CDH12: variants seen among roughly 807,000 people sequenced by gnomAD.
CDH12 encodes the protein cadherin 12, also known as cadherin-12.
In CDH12, 41 loss-of-function variants were observed where a neutral mutation model predicts 74.1. The observed-to-expected ratio is 0.55, with a 90% CI of 0.43 to 0.72. The LOEUF (loss-of-function observed/expected upper bound fraction) is 0.72, where lower values mean the gene tolerates loss of function less well. Ranked by LOEUF, CDH12 falls within the 30% of genes least tolerant of loss-of-function variation. The pLI is 0.00. For missense variants in CDH12, 945 were observed against 977.2 expected (o/e 0.97, Z 0.44); for synonymous variants, 399 against 355.0 (o/e 1.12, Z -1.39).
chr5:22,025,351 T>C (rs2150166157), intron 5 of CDH12, among the ~76,000 whole-genome samples: 1 of 152,276 alleles, frequency 6.6e-6, no homozygotes, highest in Non-Finnish European at 1.5e-5. Context: ...AAATCATAAT[T>C]GTTTGGTTTC....
chr5:22,450,247 C>T (rs1449412764), intron 2 of CDH12, among the ~76,000 whole-genome samples: 1 of 151,898 alleles, frequency 6.6e-6, no homozygotes, highest in Non-Finnish European at 1.5e-5. Context: ...TTAGTGGCTA[C>T]ATGATATGTA....
In CDH12 at chr5:22,562,226, A is replaced by C. The variant is rs548094321; in HGVS notation, c.-522-56862T>G. ...CAGCTACTTGGGAGGCTGAGGCAGG[A>C]GAATGGCGTGAACCCGGGAGGTGGA... On this transcript the variant is annotated intron_variant, in intron 1 of 14. Coordinates refer to ENST00000382254, the MANE Select transcript of CDH12 (RefSeq NM_004061.5). 6.1e-4 allele frequency among the ~76,000 whole-genome samples: 93 copies of C among 152,078 alleles called. No individual in the cohort carries two copies. The South Asian group carries it at 0.018, about 30-fold the overall frequency.
intron 2 of CDH12, among the ~76,000 whole-genome samples, chr5:22,441,195 C>T (rs553190960): frequency 2.0e-4 from 30 of 152,260 alleles, no homozygotes; most frequent in African/African-American, 7.2e-4. Context: ...TATTTGTGAA[C>T]ATCTGTGAAT....
chr5:21,757,231 A>G (rs537462786), intron 13 of CDH12, among the ~76,000 whole-genome samples: 90 of 152,282 alleles, frequency 5.9e-4, no homozygotes, highest in African/African-American at 2.1e-3. Flanking sequence ...GCTGGAGTAC[A>G]GTGGATCAAT....
chr5:21,770,762 T>C (rs971578945), intron 11 of CDH12, among the ~76,000 whole-genome samples: 1 of 152,158 alleles, frequency 6.6e-6, no homozygotes, highest in Non-Finnish European at 1.5e-5. Flanking sequence ...CATGCACATG[T>C]ATGTTCATTG....
chr5:21,778,124 A>T (rs1017710350), intron 11 of CDH12, among the ~76,000 whole-genome samples: 4 of 152,136 alleles, frequency 2.6e-5, no homozygotes, highest in Non-Finnish European at 5.9e-5. Flanking sequence ...TAAATGAAAC[A>T]TGGTGAATAT....
chr5:21,976,077 C>A (rs189894780), intron 5 of CDH12, among the ~76,000 whole-genome samples: 10 of 152,202 alleles, frequency 6.6e-5, no homozygotes, highest in African/African-American at 2.4e-4. Flanking sequence ...TGATATAGGG[C>A]AGAGCATCTC....
At chr5:22,501,639 T>A (rs1736151939) in intron 2 of CDH12, among the ~76,000 whole-genome samples, 2 of 152,094 alleles carry the variant, frequency 1.3e-5, no homozygotes, top group South Asian at 4.1e-4. Flanking sequence ...ATCCCTGCAT[T>A]TATCTTCTTC....
chr5:22,773,543 A>T (rs971611268), intron 1 of CDH12, among the ~76,000 whole-genome samples: 6 of 152,118 alleles, frequency 3.9e-5, no homozygotes, highest in Non-Finnish European at 8.8e-5. Context: ...AACTTTAAAA[A>T]CCCTTGAAGA....
At chr5:22,708,434 A>T (rs1490675389) in intron 1 of CDH12, among the ~76,000 whole-genome samples, 1 of 152,196 alleles carries the variant, frequency 6.6e-6, no homozygotes, top group Admixed American at 6.6e-5. Flanking sequence ...AAAGAAAGGG[A>T]GGTCAGAGAG....
intron 11 of CDH12, among the ~76,000 whole-genome samples, chr5:21,776,700 G>C (rs1428260485): frequency 6.6e-6 from 1 of 152,104 alleles, no homozygotes; most frequent in Non-Finnish European, 1.5e-5. Context: ...TATGCTGCCT[G>C]CATCATTGAA....
intron 1 of CDH12, among the ~76,000 whole-genome samples, chr5:22,660,495 T>A (rs1271366222): frequency 1.3e-5 from 2 of 152,208 alleles, no homozygotes; most frequent in Non-Finnish European, 2.9e-5. Context: ...TTCACCAAGT[T>A]TGTCCTCCTG....
intron 4 of CDH12, among the ~76,000 whole-genome samples, chr5:22,100,204 ATACT>A (rs1417800199): frequency 2.8e-4 from 43 of 152,218 alleles, no homozygotes; most frequent in African/African-American, 8.0e-4. Flanking sequence ...AGATAAAAAA[ATACT>A]TACTTATTAA....
intron 1 of CDH12, among the ~76,000 whole-genome samples, chr5:22,825,482 T>C (rs971111291): frequency 6.6e-6 from 1 of 152,112 alleles, no homozygotes; most frequent in Non-Finnish European, 1.5e-5. Context: ...AAATATGTTC[T>C]TGGAAGAGTA....
At chr5:22,464,004 C>A (rs1384920174) in intron 2 of CDH12, among the ~76,000 whole-genome samples, 1 of 152,170 alleles carries the variant, frequency 6.6e-6, no homozygotes, top group African/African-American at 2.4e-5. Context: ...TGAATTGTAA[C>A]TCCCAGAGTT....
chr5:22,291,271 C>A (rs1340993697), intron 3 of CDH12, among the ~76,000 whole-genome samples: 2 of 151,976 alleles, frequency 1.3e-5, no homozygotes, highest in Non-Finnish European at 2.9e-5. Flanking sequence ...CATACTCAAC[C>A]TAAAAGTGTC....
At chr5:22,806,054 A>T (rs561120425) in intron 1 of CDH12, among the ~76,000 whole-genome samples, 1 of 152,228 alleles carries the variant, frequency 6.6e-6, no homozygotes, top group African/African-American at 2.4e-5. Context: ...TATCCAGTCT[A>T]CCATTGATGA....
At chr5:22,576,772 A>AATCTCTCTCTC (rs1739810261) in intron 1 of CDH12, among the ~76,000 whole-genome samples, 1 of 151,026 alleles carries the variant, frequency 6.6e-6, no homozygotes. Context: ...TTGATAACTG[A>AATCTCTCTCTC]GAGAGAGAGA....
intron 5 of CDH12, among the ~76,000 whole-genome samples, chr5:22,000,995 T>C (rs1736572377): frequency 6.6e-6 from 1 of 152,114 alleles, no homozygotes; most frequent in African/African-American, 2.4e-5. Flanking sequence ...TTTTATAAAT[T>C]AGAAAATAAA....
Sources: allele counts gnomAD v4.1 joint callset (sites outside exome capture counted in the v4.1 genomes callset), GRCh38; gene constraint gnomAD v4.1.1; transcripts MANE v1.5; gene names NCBI Gene and HGNC (gene_info 2026-07-23, HGNC 2026-07-21).